MBNL2: variants seen among roughly 807,000 people sequenced by gnomAD.
MBNL2 encodes the protein muscleblind like splicing regulator 2.
MBNL2 carries 17 observed loss-of-function variants against 41.9 expected under a neutral mutation model. That is an observed-to-expected ratio of 0.41 (90% CI 0.28 to 0.61). MBNL2 has a LOEUF of 0.61. MBNL2 is among the 20% of genes least tolerant of loss of function. The probability of loss-of-function intolerance (pLI) is 0.35; values close to 1 mark genes in which losing one functional copy is unlikely to be tolerated. For missense variants in MBNL2, 336 were observed against 505.6 expected (o/e 0.66, Z 3.22); for synonymous variants, 195 against 182.9 (o/e 1.07, Z -0.53).
intron 2 of MBNL2, among the ~76,000 whole-genome samples, chr13:97,292,218 A>G (rs1012447928): frequency 3.3e-5 from 5 of 151,704 alleles, no homozygotes; most frequent in Non-Finnish European, 7.4e-5. Context: ...AAAAAAAAAA[A>G]AAAAGTGATT....
At chr13:97,320,454 C>T (rs978502565) in intron 2 of MBNL2, among the ~76,000 whole-genome samples, 4 of 151,134 alleles carry the variant, frequency 2.6e-5, no homozygotes, top group Non-Finnish European at 5.9e-5. Flanking sequence ...GCCGGGGTTT[C>T]ACCATGTTAG....
At chr13:97,343,295 T>G in intron 4 of MBNL2, 79 bp downstream of exon 4, 1 of 1,094,560 alleles carries the variant, frequency 9.1e-7, no homozygotes, top group Non-Finnish European at 1.3e-6. Flanking sequence ...TTGTAAGATA[T>G]TAATTCAGTC....
At chr13:97,300,661 C>T (rs1033395061) in intron 2 of MBNL2, among the ~76,000 whole-genome samples, 1 of 152,156 alleles carries the variant, frequency 6.6e-6, no homozygotes, top group Non-Finnish European at 1.5e-5. Flanking sequence ...CATTGCCTTT[C>T]TCTTCATCTT....
chr13:97,169,867 C>T, the MBNL2 span, among the ~76,000 whole-genome samples: 1 of 152,100 alleles, frequency 6.6e-6, no homozygotes, highest in African/African-American at 2.4e-5. Flanking sequence ...TTGATGTGGC[C>T]CTTCGTCATG....
At chr13:97,205,883 A>G in the MBNL2 span, among the ~76,000 whole-genome samples, 3 of 152,222 alleles carry the variant, frequency 2.0e-5, no homozygotes, top group African/African-American at 7.2e-5. Flanking sequence ...TGTTAAGACA[A>G]AAGACAACAC....
the MBNL2 span, among the ~76,000 whole-genome samples, chr13:97,144,293 G>C: frequency 6.6e-6 from 1 of 152,150 alleles, no homozygotes; most frequent in Non-Finnish European, 1.5e-5. Flanking sequence ...AGGGGTCTGA[G>C]CTAGGGCCAG....
At chr13:97,361,262 A>G (rs1014705522) in intron 7 of MBNL2, among the ~76,000 whole-genome samples, 1 of 152,236 alleles carries the variant, frequency 6.6e-6, no homozygotes, top group African/African-American at 2.4e-5. Context: ...AAGTAGGAGA[A>G]ATTTGCCTAG....
the MBNL2 span, among the ~76,000 whole-genome samples, chr13:97,177,716 A>C: frequency 6.6e-6 from 1 of 152,200 alleles, no homozygotes; most frequent in Non-Finnish European, 1.5e-5. Flanking sequence ...TGAAAATGTA[A>C]ACAAGACACA....
chr13:97,322,298 T>C (rs2059568419), intron 2 of MBNL2, among the ~76,000 whole-genome samples: 1 of 152,114 alleles, frequency 6.6e-6, no homozygotes, highest in Admixed American at 6.6e-5. Context: ...CTGAAAAAAG[T>C]GCAGCTTCCC....
At chr13:97,252,958 T>A (rs2046849949) in intron 1 of MBNL2, among the ~76,000 whole-genome samples, 1 of 152,198 alleles carries the variant, frequency 6.6e-6, no homozygotes, top group Non-Finnish European at 1.5e-5. Context: ...AATAAATGGT[T>A]AGTGACAGAG....
chr13:97,393,624 A>T lies in MBNL2; in HGVS notation c.*2175A>T, dbSNP rs974596536. The T allele has an allele frequency of 6.6e-6, 1 of 152,576 alleles. No individual in the cohort carries two copies. The highest frequency in any genetic ancestry group is 1.5e-5 in the Non-Finnish European group (1 of 67,984). The allele number at this position is 152,576 out of a possible 1,614,324, so 9.5% of individuals were successfully genotyped here. On this transcript the variant is annotated 3_prime_UTR_variant, in exon 9 of 9. Coordinates refer to ENST00000679496, the MANE Select transcript of MBNL2 (RefSeq NM_001382683.1). ...GCAAGGCAAATGCATAGATGTACAA[A>T]TATATGTACAACAGATTTTGCTTTT...
intron 1 of MBNL2, among the ~76,000 whole-genome samples, chr13:97,271,665 A>C (rs2051059239): frequency 1.3e-5 from 2 of 151,964 alleles, no homozygotes; most frequent in Non-Finnish European, 2.9e-5. Flanking sequence ...TCTACTTATG[A>C]GTGAGAACAT....
rs74106932 is a variant in MBNL2, at chr13:97,340,211, C to G, written c.340-2805C>G. 1.9e-3 allele frequency among the ~76,000 whole-genome samples: 282 copies of G among 152,356 alleles called. 1 individual carries two copies. Among genetic ancestry groups the G allele is most frequent in the African/African-American group, 6.3e-3 (262 of 41,586 alleles). The stretch of plus-strand genomic sequence containing the variant: ...TAATATTAACACGGAGTGAGCCTCT[C>G]TGCAAATCACCGTAACTGTATTTTT... On this transcript the variant is annotated intron_variant, in intron 3 of 8. Transcript: ENST00000679496.
chr13:97,142,980 C>T, the MBNL2 span, among the ~76,000 whole-genome samples: 3 of 152,152 alleles, frequency 2.0e-5, no homozygotes, highest in Non-Finnish European at 4.4e-5. Context: ...CGGATCAGAT[C>T]CTCTTAGGAC....
At chr13:97,277,935 T>C (rs1395459322) in intron 2 of MBNL2, among the ~76,000 whole-genome samples, 2 of 152,104 alleles carry the variant, frequency 1.3e-5, no homozygotes, top group African/African-American at 4.8e-5. Flanking sequence ...CCTCTACGAT[T>C]ATCAGCAATA....
At chr13:97,308,538 C>T (rs1466379632) in intron 2 of MBNL2, among the ~76,000 whole-genome samples, 2 of 152,150 alleles carry the variant, frequency 1.3e-5, no homozygotes, top group Non-Finnish European at 2.9e-5. Context: ...GATGATGGCC[C>T]ATTTAACACT....
rs767689930 is a variant in MBNL2 at position 97,272,430 on chromosome 13, C to T, written c.-604-3202C>T. ...CGTTCACTCTAATGATAGTTTCTTT[C>T]GCTGTGCAGAAGCTCTTTAGTTTAA... On this transcript the variant is annotated intron_variant, in intron 1 of 8. Transcript: ENST00000679496. Among the ~76,000 whole-genome samples, 47 of 152,148 alleles carry T rather than the reference C, an allele frequency of 3.1e-4. 1 individual carries two copies. The highest frequency in any genetic ancestry group is 2.3e-3 in the East Asian group (12 of 5,184).
At chr13:97,176,585 G>A in the MBNL2 span, among the ~76,000 whole-genome samples, 10 of 152,250 alleles carry the variant, frequency 6.6e-5, no homozygotes, top group East Asian at 1.2e-3. Flanking sequence ...GGACTTCCAC[G>A]AATGTATTGC....
At chr13:97,181,932 A>G in the MBNL2 span, among the ~76,000 whole-genome samples, 1 of 152,180 alleles carries the variant, frequency 6.6e-6, no homozygotes, top group Non-Finnish European at 1.5e-5. Flanking sequence ...TCCTTCCATC[A>G]ATGGATACAG....
Sources: gnomAD v4.1 joint callset for allele counts (sites outside exome capture counted in the v4.1 genomes callset) on GRCh38, gnomAD v4.1.1 for gene constraint, MANE v1.5 for transcripts, NCBI Gene and HGNC (gene_info 2026-07-23, HGNC 2026-07-21) for gene names.